The following DOCK4 variants were observed in gnomAD, a reference collection of about 807,000 sequenced individuals.
DOCK4 encodes dedicator of cytokinesis 4.
A neutral mutation model predicts 268.1 loss-of-function variants in DOCK4; 97 were observed. The ratio of observed to expected loss-of-function variants is 0.36; its 90% confidence interval spans 0.31 to 0.43. The LOEUF (loss-of-function observed/expected upper bound fraction) is 0.43. DOCK4 is among the 20% of genes least tolerant of loss of function. The probability of loss-of-function intolerance (pLI) is 1.00; values close to 1 mark genes in which losing one functional copy is unlikely to be tolerated. For synonymous variants in DOCK4, 954 were observed against 887.2 expected, an observed-to-expected ratio of 1.08 and a Z score of -1.34; for missense variants, 2,145 against 2,455.7, an observed-to-expected ratio of 0.87 and a Z score of 2.67.
chr7:111,983,862 G>GCGCGCACACACACACACACA, intron 7 of DOCK4, among the ~76,000 whole-genome samples: 112 of 138,640 alleles, frequency 8.1e-4, no homozygotes, highest in Non-Finnish European at 1.1e-3. Flanking sequence ...GCGCGCGCGC[G>GCGCGCACACACACACACACA]CACACACACA....
chr7:112,181,000 T>A (rs577070044), intron 1 of DOCK4, among the ~76,000 whole-genome samples: 1 of 152,330 alleles, frequency 6.6e-6, no homozygotes, highest in East Asian at 1.9e-4. Context: ...GCACATAACT[T>A]TTCTTCTTGA....
chr7:111,988,100 G>C (rs1039412587), intron 6 of DOCK4, among the ~76,000 whole-genome samples: 2 of 152,130 alleles, frequency 1.3e-5, no homozygotes, highest in Non-Finnish European at 2.9e-5. Context: ...TTCAGTAAGA[G>C]GCAAATTTAC....
intron 23 of DOCK4, among the ~76,000 whole-genome samples, chr7:111,859,580 T>TTTG (rs1805314834): frequency 6.8e-6 from 1 of 146,268 alleles, no homozygotes; most frequent in African/African-American, 2.6e-5. Flanking sequence ...TTTTTTTTTT[T>TTTG]TTTTTGAGGC....
chr7:111,959,163 G>C (rs1796669704), intron 8 of DOCK4, among the ~76,000 whole-genome samples: 1 of 151,888 alleles, frequency 6.6e-6, no homozygotes, highest in Non-Finnish European at 1.5e-5. Flanking sequence ...GACACCCACA[G>C]AGAAATCTGT....
At chr7:111,920,274 TAA>T (rs1317385402) in intron 12 of DOCK4, among the ~76,000 whole-genome samples, 2 of 152,170 alleles carry the variant, frequency 1.3e-5, no homozygotes, top group Non-Finnish European at 1.5e-5. Context: ...TAAAAATCGC[TAA>T]GAGAGTGGAT....
At chr7:111,827,449 C>T (rs1802491447) in intron 26 of DOCK4, among the ~76,000 whole-genome samples, 1 of 152,012 alleles carries the variant, frequency 6.6e-6, no homozygotes, top group Non-Finnish European at 1.5e-5. Flanking sequence ...CTCTCAATGG[C>T]CCATAGTCAT....
chr7:112,011,459 A>C (rs993503078), intron 1 of DOCK4, among the ~76,000 whole-genome samples: 1 of 152,190 alleles, frequency 6.6e-6, no homozygotes, highest in Non-Finnish European at 1.5e-5. Flanking sequence ...ATTTTATCTT[A>C]AGGATTTTGC....
intron 13 of DOCK4, among the ~76,000 whole-genome samples, chr7:111,908,660 G>A (rs182448348): frequency 0.014 from 2,118 of 151,986 alleles, 50 homozygotes; most frequent in African/African-American, 0.047. Context: ...TTTAAGCCCC[G>A]CATGCATTAC....
chr7:111,844,962 A>G (rs935721100), intron 24 of DOCK4, 65 bp from the exon 25 acceptor site: 2 of 1,540,728 alleles, frequency 1.3e-6, no homozygotes, highest in African/African-American at 1.4e-5. Flanking sequence ...ATCTAACAGA[A>G]AAGGGGAAAT....
chr7:111,871,962 A>C (rs1806461888), intron 20 of DOCK4, 28 bp downstream of exon 20: 3 of 1,502,120 alleles, frequency 2.0e-6, no homozygotes, highest in Non-Finnish European at 1.8e-6. Flanking sequence ...AACCACTTCT[A>C]AACTAATTAC....
chr7:112,000,110 C>T (rs1800303988), intron 3 of DOCK4, among the ~76,000 whole-genome samples: 1 of 152,046 alleles, frequency 6.6e-6, no homozygotes, highest in African/African-American at 2.4e-5. Flanking sequence ...TTTCTCCATA[C>T]CGATATTTTA....
chr7:111,851,715 C>T, intron 23 of DOCK4, among the ~76,000 whole-genome samples: 1 of 152,024 alleles, frequency 6.6e-6, no homozygotes, highest in East Asian at 1.9e-4. Flanking sequence ...TAGCCTCAGT[C>T]TTTTCATCTG....
chr7:111,900,541 C>T lies in DOCK4; in HGVS notation c.1318-5G>A, dbSNP rs372589894. ...AGAGCCGAAGGAGATAAAATCCTAA[C>T]AAAGGGAAGAACACACAGGTTAAAG... On this transcript the variant is annotated splice_polypyrimidine_tract_variant and splice_region_variant and intron_variant, in intron 14 of 52. Coordinates refer to ENST00000428084, the MANE Select transcript of DOCK4 (RefSeq NM_001363540.2). 4 of 1,608,118 alleles carry T rather than the reference C, an allele frequency of 2.5e-6. No homozygotes were observed. Among genetic ancestry groups the T allele is most frequent in the Non-Finnish European group, 3.4e-6 (4 of 1,177,456 alleles).
intron 1 of DOCK4, among the ~76,000 whole-genome samples, chr7:112,179,279 T>C (rs745958816): frequency 1.2e-4 from 18 of 151,772 alleles, no homozygotes; most frequent in Admixed American, 5.9e-4. Context: ...CCAGCTACTC[T>C]GGGAACTGAG....
chr7:111,730,750 G>A (rs1487704834), intron 52 of DOCK4, among the ~76,000 whole-genome samples: 1 of 152,124 alleles, frequency 6.6e-6, no homozygotes, highest in Non-Finnish European at 1.5e-5. Context: ...TAACACAAAT[G>A]TTCGATCTAT....
intron 32 of DOCK4, among the ~76,000 whole-genome samples, chr7:111,786,213 A>T (rs1205270972): frequency 6.6e-6 from 1 of 152,234 alleles, no homozygotes; most frequent in Non-Finnish European, 1.5e-5. Flanking sequence ...AGAGCGAAAG[A>T]CTAAGAAATA....
intron 1 of DOCK4, among the ~76,000 whole-genome samples, chr7:112,007,629 A>C (rs898300967): frequency 5.3e-5 from 8 of 152,162 alleles, no homozygotes; most frequent in African/African-American, 1.9e-4. Flanking sequence ...CAGGTTATGA[A>C]AGAGAAAGGC....
chr7:112,001,280 T>A (rs1385896549), intron 2 of DOCK4, among the ~76,000 whole-genome samples: 1 of 152,150 alleles, frequency 6.6e-6, no homozygotes, highest in East Asian at 1.9e-4. Flanking sequence ...CATGGAAAAT[T>A]CCAGAAATAA....
Position 111,809,360 on chromosome 7 carries a change from GT to G in DOCK4, c.3047del (p.Asn1016ThrfsTer19). Reference sequence around the variant, plus strand: ...ACATCTCCAACTGCAGACACAACTGGTTTATAAAAATGACTGCGAGGTAAAA... The same window carrying G: ...ACATCTCCAACTGCAGACACAACTGGTTATAAAAATGACTGCGAGGTAAAA... ...SYFYLAVIFI[N>X]QLCLQLEMFT... is the part of the protein sequence containing the mutation. On this transcript the variant is annotated frameshift_variant, in exon 29 of 53. Transcript: ENST00000428084. LOFTEE classifies it high-confidence loss of function. 6.4e-7 allele frequency: 1 copy of G among 1,567,482 alleles called. No homozygotes were observed. The highest frequency in any genetic ancestry group is 1.2e-5 in the South Asian group (1 of 85,162).
Sources: gnomAD v4.1 joint callset for allele counts (sites outside exome capture counted in the v4.1 genomes callset) on GRCh38, gnomAD v4.1.1 for gene constraint, MANE v1.5 for transcripts, NCBI Gene and HGNC (gene_info 2026-07-23, HGNC 2026-07-21) for gene names.